The following VEGFB variants were observed in gnomAD, a reference collection of about 807,000 sequenced individuals.
The protein encoded by VEGFB is VEGF-related factor.
Under a neutral mutation model 22.5 loss-of-function variants are expected in VEGFB, and 24 were observed. The observed-to-expected ratio is 1.07, with a 90% CI of 0.77 to 1.50. The LOEUF (loss-of-function observed/expected upper bound fraction) is 1.50, where lower values mean the gene tolerates loss of function less well. Among genes scored for constraint, VEGFB ranks in the 40% most tolerant of loss-of-function variants. The pLI, the probability that VEGFB is intolerant of heterozygous loss-of-function variation, is 0.00. For missense variants in VEGFB, 327 were observed against 287.8 expected, an observed-to-expected ratio of 1.14 and a Z score of -0.99; for synonymous variants, 141 against 117.4, an observed-to-expected ratio of 1.20 and a Z score of -1.30.
In VEGFB at chr11:64,237,604, G is replaced by A. The variant is rs1232480664; in HGVS notation, c.595G>A (p.Ala199Thr). ...GPAAAAADAA[A>T]SSVAKGGA ...TGCCGCTGCCGCTGCCGACGCCGCA[G>A]CTTCCTCCGTTGCCAAGGGCGGGGC... The change falls in exon 6 of 7, where the codon GCT becomes ACT. Residue 199 changes from alanine to threonine, a missense_variant. Coordinates refer to ENST00000309422, the MANE Select transcript of VEGFB (RefSeq NM_003377.5). The A allele has an allele frequency of 1.3e-6, 2 of 1,585,344 alleles. No individual in the cohort carries two copies. The highest frequency in any genetic ancestry group is 2.3e-5 in the East Asian group (1 of 44,016).
chr11:64,235,754 T>C, intron 2 of VEGFB, 59 bp from the exon 3 acceptor site: 1 of 1,596,012 alleles, frequency 6.3e-7, no homozygotes, highest in Non-Finnish European at 8.6e-7. Flanking sequence ...GGAGGACAGA[T>C]GCTGGGAGCA....
Position 64,236,468 on chromosome 11 carries a change from C to T in VEGFB, c.374+141C>T, listed in dbSNP as rs1249264326. 5.3e-6 allele frequency: 4 copies of T among 759,368 alleles called. No individual in the cohort carries two copies. In the East Asian group the frequency reaches 8.2e-5, roughly 15 times the overall value. 47.0% of individuals were successfully genotyped at this position (759,368 alleles called of 1,614,324 possible). A position where few individuals can be genotyped will look rare whatever the true frequency, so the allele number is the denominator to read the frequency against. On this transcript the variant is annotated intron_variant, in intron 4 of 6. Coordinates refer to ENST00000309422, the MANE Select transcript of VEGFB (RefSeq NM_003377.5). ...TGGTAGCTCACGCCTGTAATCCCAG[C>T]ACTTTGGGAGGCCGAGGCGGGCGGA...
At chr11:64,237,281 C>A in intron 5 of VEGFB, 59 bp downstream of exon 5, 1 of 1,547,490 alleles carries the variant, frequency 6.5e-7, no homozygotes, top group South Asian at 1.1e-5. Context: ...AGTCCAGAAG[C>A]TGTTGCTCCT....
chr11:64,237,522 C>A lies in VEGFB; in HGVS notation c.513C>A (p.Ala171=). The change falls in exon 6 of 7, where the codon GCC becomes GCA. Residue 171 remains alanine, a synonymous_variant. Transcript: ENST00000309422. The stretch of plus-strand genomic sequence containing the variant: ...CTGACATCACCCATCCCACTCCAGC[C>A]CCAGGCCCCTCTGCCCACGCTGCAC... ...SPADITHPTP[A]PGPSAHAAPS... is the part of the protein sequence containing the mutation. The A allele has an allele frequency of 6.2e-7, 1 of 1,611,418 alleles. No individual in the cohort carries two copies. Among genetic ancestry groups the A allele is most frequent in the Non-Finnish European group, 8.5e-7 (1 of 1,179,894 alleles).
intron 3 of VEGFB, 80 bp downstream of exon 3, chr11:64,236,089 C>A: frequency 1.3e-6 from 2 of 1,526,770 alleles, no homozygotes; most frequent in Admixed American, 2.0e-5. Context: ...TGCTGGCTGG[C>A]TCTGGGGCTG....
intron 6 of VEGFB, 48 bp from the exon 7 acceptor site, chr11:64,238,308 G>A: frequency 1.3e-6 from 2 of 1,535,772 alleles, no homozygotes; most frequent in Non-Finnish European, 1.7e-6. Flanking sequence ...GTCCAGGGCT[G>A]GGGCTGCGCT....
At chr11:64,237,398 A>C in intron 5 of VEGFB, 22 bp from the exon 6 acceptor site, 1 of 1,569,266 alleles carries the variant, frequency 6.4e-7, no homozygotes, top group East Asian at 2.3e-5. Flanking sequence ...CCCACCCCAG[A>C]CATGTCGCTT....
At chr11:64,238,232 G>A in intron 6 of VEGFB, 124 bp from the exon 7 acceptor site, 1 of 1,256,460 alleles carries the variant, frequency 8.0e-7, no homozygotes. Flanking sequence ...AGCCTCCAGT[G>A]CCCAGGGCCG....
At chr11:64,237,107 G>A (rs1368006616) in intron 4 of VEGFB, 80 bp from the exon 5 acceptor site, 1 of 830,002 alleles carries the variant, frequency 1.2e-6, no homozygotes. Context: ...GAGAGAGAGA[G>A]AGAGAGAGAG....
Position 64,236,016 on chromosome 11 carries a change from G to C in VEGFB, c.300+7G>C, listed in dbSNP as rs1298145700. 1 of 1,575,436 alleles carries C rather than the reference G, an allele frequency of 6.3e-7. No individual in the cohort carries two copies. The highest frequency in any genetic ancestry group is 1.9e-5 in the Admixed American group (1 of 53,794). ...GCACCAAGTCCGGATGCAGGTACTG[G>C]GCAGGTGGGGCAACGGGCAGGGGAT... On this transcript the variant is annotated splice_region_variant and intron_variant, in intron 3 of 6. Coordinates refer to ENST00000309422, the MANE Select transcript of VEGFB (RefSeq NM_003377.5).
At position 64,237,073 on chromosome 11, in the gene VEGFB, A is replaced by G. The variant is rs1299431369; in HGVS notation, c.375-114A>G. ...ACTCCAGCCTGGGCAAGAAGAGGGA[A>G]ACACAGTCTCAAAGAGAGAGAGAGA... On this transcript the variant is annotated intron_variant, in intron 4 of 6. Transcript: ENST00000309422. The G allele has an allele frequency of 1.8e-5, 14 of 781,404 alleles. 1 individual carries two copies. The East Asian group carries it at 2.4e-4, about 13-fold the overall frequency. 48.4% of individuals were successfully genotyped at this position (781,404 alleles called of 1,614,324 possible).
At position 64,234,929 on chromosome 11, in the gene VEGFB, C is replaced by A; in HGVS notation, c.60+36C>A. On this transcript the variant is annotated intron_variant, in intron 1 of 6. Transcript: ENST00000309422. The surrounding 1 kb of genome is among the most constrained non-coding windows in gnomAD (Gnocchi z 5.3). ...CCCGACAGCGCGCCCGCCCGCCCGCCGTGCCCTCTCTCAAGGTTGGCGGAA... is the reference window on the plus strand; with the variant it reads ...CCCGACAGCGCGCCCGCCCGCCCGCAGTGCCCTCTCTCAAGGTTGGCGGAA... 3 of 1,274,262 alleles carry A rather than the reference C, an allele frequency of 2.4e-6. No homozygotes were observed. Among genetic ancestry groups the A allele is most frequent in the Non-Finnish European group, 3.0e-6 (3 of 1,009,410 alleles). The allele number at this position is 1,274,262 out of a possible 1,614,324, so 78.9% of individuals were successfully genotyped here. A position where few individuals can be genotyped will look rare whatever the true frequency, so the allele number is the denominator to read the frequency against.
chr11:64,237,160 T>G, intron 4 of VEGFB, 27 bp from the exon 5 acceptor site: 1 of 1,572,624 alleles, frequency 6.4e-7, no homozygotes, highest in African/African-American at 1.4e-5. Context: ...CTCTTGTTTG[T>G]CTGTGTCTGT....
At chr11:64,236,716 CAAA>C (rs773789771) in intron 4 of VEGFB, among the ~76,000 whole-genome samples, 1 of 74,492 alleles carries the variant, frequency 1.3e-5, no homozygotes, top group Non-Finnish European at 2.6e-5. Flanking sequence ...GACTCTGCCA[CAAA>C]AAAAAAAAAA....
In VEGFB at chr11:64,235,906, A is replaced by T; in HGVS notation, c.197A>T (p.Lys66Ile). Residue 66 changes from lysine to isoleucine, a missense_variant, in exon 3 of 7, where the codon AAA becomes ATA. Lys to Ile is a moderately radical substitution (Grantham distance 102). Coordinates refer to ENST00000309422, the MANE Select transcript of VEGFB (RefSeq NM_003377.5). ...LTVELMGTVA[K>I]QLVPSCVTVQ... ...GTGGAGCTCATGGGCACCGTGGCCA[A>T]ACAGCTGGTGCCCAGCTGCGTGACT... 1 of 1,613,762 alleles carries T rather than the reference A, an allele frequency of 6.2e-7. No individual in the cohort carries two copies. Among genetic ancestry groups the T allele is most frequent in the East Asian group, 2.2e-5 (1 of 44,886 alleles).
At chr11:64,237,929 G>A in intron 6 of VEGFB, 2 of 502,060 alleles carry the variant, frequency 4.0e-6, no homozygotes, top group Non-Finnish European at 7.1e-6. Flanking sequence ...AGAGGTCAGA[G>A]ATCTCTTGGA....
Position 64,236,341 on chromosome 11 carries a change from C to T in VEGFB, c.374+14C>T, listed in dbSNP as rs1208509268. On this transcript the variant is annotated intron_variant, in intron 4 of 6. Coordinates refer to ENST00000309422, the MANE Select transcript of VEGFB (RefSeq NM_003377.5). ...GTGTGAATGCAGGTGCCAGCCAGGC[C>T]CAACTTCTGAGCTCGCAGAGGCCAG... 2 of 1,613,182 alleles carry T rather than the reference C, an allele frequency of 1.2e-6. No individual in the cohort carries two copies. Among genetic ancestry groups the T allele is most frequent in the East Asian group, 4.5e-5 (2 of 44,890 alleles).
intron 1 of VEGFB, 125 bp downstream of exon 1, chr11:64,235,018 T>A (rs914493733): frequency 2.5e-6 from 2 of 790,704 alleles, no homozygotes; most frequent in African/African-American, 3.7e-5. Context: ...GACGCGGGCG[T>A]CTCGGGGGCC....
In VEGFB at chr11:64,235,871, G is replaced by A. The variant is rs770769240; in HGVS notation, c.162G>A (p.Val54=). Residue 54 remains valine (V), a synonymous_variant, in exon 3 of 7, where the codon GTG becomes GTA. Coordinates refer to ENST00000309422, the MANE Select transcript of VEGFB (RefSeq NM_003377.5). The part of the protein sequence containing the change: ...RATCQPREVV[V]PLTVELMGTV... ...CCTGCCAGCCCCGGGAGGTGGTGGT[G>A]CCCTTGACTGTGGAGCTCATGGGCA... 6.8e-6 allele frequency: 11 copies of A among 1,613,844 alleles called. No homozygotes were observed. The South Asian group carries it at 8.8e-5, about 13-fold the overall frequency.
Sources: gnomAD v4.1 joint callset for allele counts (sites outside exome capture counted in the v4.1 genomes callset) on GRCh38, gnomAD v4.1.1 for gene constraint, Gnocchi (gnomAD v3.1) non-coding constraint, MANE v1.5 for transcripts, NCBI Gene and HGNC (gene_info 2026-07-23, HGNC 2026-07-21) for gene names.